Variants in C8orf34 observed in about 807,000 individuals in gnomAD.
C8orf34 encodes the protein chromosome 8 open reading frame 34.
A neutral mutation model predicts 68.3 loss-of-function variants in C8orf34; 65 were observed. That is an observed-to-expected ratio of 0.95 (90% CI 0.78 to 1.17). The LOEUF is 1.17. C8orf34 is among the 50% of genes most tolerant of loss of function. The pLI is 0.00. For missense variants in C8orf34, 664 were observed against 655.4 expected (o/e 1.01, Z -0.14); for synonymous variants, 244 against 241.2 (o/e 1.01, Z -0.11).
At chr8:68,474,237 T>G (rs1168367973) in intron 4 of C8orf34, among the ~76,000 whole-genome samples, 1 of 152,190 alleles carries the variant, frequency 6.6e-6, no homozygotes, top group African/African-American at 2.4e-5. Flanking sequence ...TGTATCTAAG[T>G]GGACCACACC....
chr8:68,546,094 T>C (rs1490469956), intron 7 of C8orf34, among the ~76,000 whole-genome samples: 2 of 152,040 alleles, frequency 1.3e-5, no homozygotes, highest in Non-Finnish European at 2.9e-5. Context: ...CAAAGAGTTT[T>C]CCCTAAAAAG....
At chr8:68,395,895 A>C (rs867500861) in intron 1 of C8orf34, among the ~76,000 whole-genome samples, 2 of 152,044 alleles carry the variant, frequency 1.3e-5, no homozygotes, top group African/African-American at 2.4e-5. Context: ...AACCTATAGA[A>C]CCTGAAGGCA....
chr8:68,569,001 C>G (rs1438267882), intron 7 of C8orf34, among the ~76,000 whole-genome samples: 1 of 152,188 alleles, frequency 6.6e-6, no homozygotes, highest in African/African-American at 2.4e-5. Flanking sequence ...TTGGATCAAA[C>G]TTAGAAATTT....
intron 8 of C8orf34, among the ~76,000 whole-genome samples, chr8:68,687,768 C>T (rs1287997861): frequency 2.6e-5 from 4 of 151,992 alleles, no homozygotes; most frequent in African/African-American, 7.2e-5. Flanking sequence ...TAAATAGGAC[C>T]TAATTAAGCT....
At chr8:68,814,270 T>A (rs1292936131) in intron 12 of C8orf34, among the ~76,000 whole-genome samples, 2 of 152,174 alleles carry the variant, frequency 1.3e-5, no homozygotes, top group African/African-American at 4.8e-5. Flanking sequence ...TCAGAAACTC[T>A]GATGTTGGAG....
chr8:68,515,817 A>G (rs1441018853), intron 5 of C8orf34, among the ~76,000 whole-genome samples: 1 of 152,202 alleles, frequency 6.6e-6, no homozygotes, highest in Non-Finnish European at 1.5e-5. Context: ...AGCTGATGTG[A>G]TGTACTGGCC....
intron 7 of C8orf34, among the ~76,000 whole-genome samples, chr8:68,560,983 T>TG (rs2130164796): frequency 6.6e-6 from 1 of 151,670 alleles, no homozygotes; most frequent in East Asian, 1.9e-4. Context: ...TTTAATTTTT[T>TG]TTTTTTTTTT....
At chr8:68,627,689 G>A (rs909254211) in intron 7 of C8orf34, among the ~76,000 whole-genome samples, 5 of 152,168 alleles carry the variant, frequency 3.3e-5, no homozygotes, top group African/African-American at 1.2e-4. Flanking sequence ...TTCCAGATTG[G>A]AAGAAGGAAA....
At position 68,456,114 on chromosome 8, in the gene C8orf34, G is replaced by A. The variant is rs540146411; in HGVS notation, c.607+9654G>A. Reference sequence around the variant, plus strand: ...CAAAAAAAAAAAAAAAAATTAGCAGGGCGTGGTGGTGGGTGCCTGTAGTCC... The same window carrying A: ...CAAAAAAAAAAAAAAAAATTAGCAGAGCGTGGTGGTGGGTGCCTGTAGTCC... On this transcript the variant is annotated intron_variant, in intron 3 of 13. Coordinates refer to ENST00000518698, the MANE Select transcript of C8orf34 (RefSeq NM_052958.4). 5.9e-5 allele frequency among the ~76,000 whole-genome samples: 9 copies of A among 151,644 alleles called. No homozygotes were observed. The East Asian group carries it at 1.4e-3, about 23-fold the overall frequency.
At chr8:68,428,917 C>A (rs1289205280) in intron 1 of C8orf34, among the ~76,000 whole-genome samples, 3 of 152,048 alleles carry the variant, frequency 2.0e-5, no homozygotes, top group Non-Finnish European at 4.4e-5. Flanking sequence ...TAACACCTAC[C>A]TCACCCCATA....
chr8:68,642,242 G>A (rs1246787352), intron 8 of C8orf34, among the ~76,000 whole-genome samples: 2 of 152,168 alleles, frequency 1.3e-5, no homozygotes, highest in Non-Finnish European at 2.9e-5. Context: ...AGATTTAGGT[G>A]TTTGAAATGA....
chr8:68,736,631 A>T (rs1176612850), intron 10 of C8orf34, among the ~76,000 whole-genome samples: 1 of 152,088 alleles, frequency 6.6e-6, no homozygotes, highest in East Asian at 1.9e-4. Flanking sequence ...GTAACAAGTC[A>T]TGTTCATCTC....
At chr8:68,352,456 A>T (rs897155628) in intron 1 of C8orf34, among the ~76,000 whole-genome samples, 3 of 152,024 alleles carry the variant, frequency 2.0e-5, no homozygotes, top group Admixed American at 6.6e-5. Context: ...CTAAACAATA[A>T]TTTTTATAGA....
At chr8:68,395,719 C>A (rs1218292265) in intron 1 of C8orf34, among the ~76,000 whole-genome samples, 3 of 151,962 alleles carry the variant, frequency 2.0e-5, no homozygotes, top group Admixed American at 6.6e-5. Context: ...TACATTAGAA[C>A]TATATTATAA....
chr8:68,498,505 C>T (rs1813627577), intron 5 of C8orf34, among the ~76,000 whole-genome samples: 3 of 152,172 alleles, frequency 2.0e-5, no homozygotes, highest in African/African-American at 7.2e-5. Context: ...GGGAGGTACT[C>T]TAAGGACAGG....
chr8:68,374,336 G>A (rs1013704932), intron 1 of C8orf34, among the ~76,000 whole-genome samples: 1 of 152,104 alleles, frequency 6.6e-6, no homozygotes, highest in Admixed American at 6.6e-5. Context: ...TAAGATGGGA[G>A]CTTTTAACCC....
intron 1 of C8orf34, among the ~76,000 whole-genome samples, chr8:68,419,052 A>C (rs1237428033): frequency 6.6e-6 from 1 of 151,108 alleles, no homozygotes; most frequent in African/African-American, 2.4e-5. Context: ...GCAACCTACA[A>C]AATGGGAGAA....
intron 7 of C8orf34, among the ~76,000 whole-genome samples, chr8:68,619,665 G>A (rs1818330395): frequency 6.6e-6 from 1 of 152,218 alleles, no homozygotes; most frequent in Non-Finnish European, 1.5e-5. Context: ...ACTTCTTTGA[G>A]GGCACAGGTA....
chr8:68,338,609 A>G (rs1805948032), intron 1 of C8orf34, among the ~76,000 whole-genome samples: 1 of 152,148 alleles, frequency 6.6e-6, no homozygotes, highest in Non-Finnish European at 1.5e-5. Context: ...TAAGTTAATA[A>G]TTATTAACCT....
Sources: allele counts gnomAD v4.1 joint callset (sites outside exome capture counted in the v4.1 genomes callset), GRCh38; gene constraint gnomAD v4.1.1; transcripts MANE v1.5; gene names NCBI Gene and HGNC (gene_info 2026-07-23, HGNC 2026-07-21).